Variants in IQGAP1 observed in about 807,000 individuals in gnomAD.
IQGAP1 encodes the protein ras GTPase-activating-like protein IQGAP1.
In IQGAP1, 66 loss-of-function variants were observed where a neutral mutation model predicts 215.6. The observed-to-expected ratio is 0.31, with a 90% confidence interval of 0.25 to 0.38. IQGAP1 has a LOEUF of 0.38. Ranked by LOEUF, IQGAP1 falls within the 10% of genes least tolerant of loss-of-function variation. The pLI is 1.00. For synonymous variants in IQGAP1, 772 were observed against 728.7 expected, an observed-to-expected ratio of 1.06 and a Z score of -0.96; for missense variants, 1,712 against 1,997.1, an observed-to-expected ratio of 0.86 and a Z score of 2.72.
chr15:90,405,746 T>G (rs903023265), intron 2 of IQGAP1, among the ~76,000 whole-genome samples: 27 of 151,826 alleles, frequency 1.8e-4, no homozygotes, highest in Non-Finnish European at 3.1e-4. Context: ...TTCCAGGTTT[T>G]TTTTTTTTTT....
intron 8 of IQGAP1, among the ~76,000 whole-genome samples, chr15:90,442,082 A>T (rs1965458388): frequency 6.6e-6 from 1 of 152,230 alleles, no homozygotes; most frequent in Admixed American, 6.5e-5. Flanking sequence ...ATTAAAATTA[A>T]TAGTGCCCTT....
intron 2 of IQGAP1, among the ~76,000 whole-genome samples, chr15:90,408,512 A>G (rs1267312974): frequency 6.6e-6 from 1 of 152,204 alleles, no homozygotes; most frequent in East Asian, 1.9e-4. Context: ...GCCATAAGAA[A>G]GTTTAGAGGA....
In IQGAP1 at chr15:90,483,226, C is replaced by G. The variant is rs1231567363; in HGVS notation, c.3556-135C>G. On this transcript the variant is annotated intron_variant, in intron 28 of 37. Coordinates refer to ENST00000268182, the MANE Select transcript of IQGAP1 (RefSeq NM_003870.4). ...GAGAGTGTGTATATGTGCATGCATG[C>G]GTGTGTATATGTATTTTTTATTTAT... 8.7e-5 allele frequency: 55 copies of G among 629,876 alleles called. No homozygotes were observed. The South Asian group carries it at 1.0e-3, about 12-fold the overall frequency. 39.0% of individuals were successfully genotyped at this position (629,876 alleles called of 1,614,324 possible).
intron 2 of IQGAP1, among the ~76,000 whole-genome samples, chr15:90,423,217 C>T (rs1965173137): frequency 6.6e-6 from 1 of 152,118 alleles, no homozygotes; most frequent in African/African-American, 2.4e-5. Flanking sequence ...TGGCACTTTA[C>T]TTTTCAAAGC....
intron 11 of IQGAP1, 107 bp from the exon 12 acceptor site, chr15:90,452,668 A>C: frequency 7.7e-7 from 1 of 1,306,642 alleles, no homozygotes; most frequent in East Asian, 2.3e-5. Flanking sequence ...TTCAAACTTC[A>C]TGGCTGATAG....
At position 90,496,306 on chromosome 15, in the gene IQGAP1, C is replaced by CTTTTTTTTTTTTTTTTTTTTTTT. The variant is rs552222380; in HGVS notation, c.4752-919_4752-897dup. On this transcript the variant is annotated intron_variant, in intron 36 of 37. Transcript: ENST00000268182. The stretch of plus-strand genomic sequence containing the variant: ...GATCATCCAGAGAACAGCATAATCC[C>CTTTTTTTTTTTTTTTTTTTTTTT]TTTTTTTTTTTTTTTTTTTTTTTTT... Among the ~76,000 whole-genome samples the CTTTTTTTTTTTTTTTTTTTTTTT allele has an allele frequency of 2.3e-4, 24 of 106,112 alleles. 1 individual carries two copies. Among genetic ancestry groups the CTTTTTTTTTTTTTTTTTTTTTTT allele is most frequent in the African/African-American group, 9.7e-4 (22 of 22,580 alleles). 69.6% of individuals were successfully genotyped at this position (106,112 alleles called of 152,430 possible). A position where few individuals can be genotyped will look rare whatever the true frequency, so the allele number is the denominator to read the frequency against.
At chr15:90,487,164 G>A (rs1966138263) in intron 32 of IQGAP1, 75 bp downstream of exon 32, 2 of 1,472,198 alleles carry the variant, frequency 1.4e-6, no homozygotes, top group African/African-American at 1.4e-5. Flanking sequence ...GAACCTGCTG[G>A]GTCCTACCTG....
intron 15 of IQGAP1, among the ~76,000 whole-genome samples, chr15:90,461,291 C>T (rs1965757885): frequency 6.8e-6 from 1 of 146,842 alleles, no homozygotes; most frequent in East Asian, 2.0e-4. Flanking sequence ...AAGAGTGAAA[C>T]TCCGTCTCAA....
At chr15:90,411,959 A>C (rs1964972617) in intron 2 of IQGAP1, among the ~76,000 whole-genome samples, 2 of 152,158 alleles carry the variant, frequency 1.3e-5, no homozygotes, top group African/African-American at 4.8e-5. Flanking sequence ...CTGTTTTTTT[A>C]ATGTACAATT....
chr15:90,458,871 A>G (rs1332516933), intron 15 of IQGAP1, among the ~76,000 whole-genome samples: 1 of 152,228 alleles, frequency 6.6e-6, no homozygotes, highest in Non-Finnish European at 1.5e-5. Flanking sequence ...ATCAGATACT[A>G]CACTTACATG....
chr15:90,445,324 G>A (rs1425261328), intron 9 of IQGAP1, among the ~76,000 whole-genome samples: 3 of 151,004 alleles, frequency 2.0e-5, no homozygotes, highest in East Asian at 1.9e-4. Context: ...TAATATTATC[G>A]CTATGTCATG....
At chr15:90,428,426 A>G (rs557727155) in intron 3 of IQGAP1, among the ~76,000 whole-genome samples, 1 of 151,988 alleles carries the variant, frequency 6.6e-6, no homozygotes, top group Non-Finnish European at 1.5e-5. Context: ...CTCTGGAGCT[A>G]TTCTGTAGGC....
chr15:90,462,984 A>G (rs1965783778), intron 15 of IQGAP1, among the ~76,000 whole-genome samples: 1 of 152,192 alleles, frequency 6.6e-6, no homozygotes, highest in Non-Finnish European at 1.5e-5. Context: ...AAATTTTACC[A>G]GAAGGATTTG....
chr15:90,482,322 CAA>C, intron 28 of IQGAP1, 41 bp downstream of exon 28: 1 of 1,591,282 alleles, frequency 6.3e-7, no homozygotes, highest in Non-Finnish European at 8.6e-7. Context: ...CCTTTGAGGA[CAA>C]AGCAATAAAA....
chr15:90,420,338 C>G (rs1596257733), intron 2 of IQGAP1, among the ~76,000 whole-genome samples: 1 of 152,122 alleles, frequency 6.6e-6, no homozygotes, highest in African/African-American at 2.4e-5. Context: ...CCAGATCTTT[C>G]CAAGTCCATG....
At chr15:90,429,324 G>A (rs986354496) in intron 3 of IQGAP1, among the ~76,000 whole-genome samples, 2 of 152,146 alleles carry the variant, frequency 1.3e-5, no homozygotes, top group Non-Finnish European at 2.9e-5. Context: ...AGATTACTAA[G>A]CCAGTAATTG....
At chr15:90,428,424 C>A (rs908955590) in intron 3 of IQGAP1, among the ~76,000 whole-genome samples, 2 of 151,996 alleles carry the variant, frequency 1.3e-5, no homozygotes, top group African/African-American at 4.8e-5. Context: ...AACTCTGGAG[C>A]TATTCTGTAG....
In IQGAP1 at chr15:90,409,590, G is replaced by A. The variant is rs554528171; in HGVS notation, c.156-16520G>A. Reference sequence around the variant, plus strand: ...GGGTTTCACTGGGTTGCCCAGCCTGGCCTCGAACTTACGAACTCAAGTGTT... The same window carrying A: ...GGGTTTCACTGGGTTGCCCAGCCTGACCTCGAACTTACGAACTCAAGTGTT... On this transcript the variant is annotated intron_variant, in intron 2 of 37. Transcript: ENST00000268182. Among the ~76,000 whole-genome samples the A allele has an allele frequency of 4.6e-5, 7 of 152,138 alleles. No individual in the cohort carries two copies. In the South Asian group the frequency reaches 1.5e-3, roughly 32 times the overall value.
intron 13 of IQGAP1, 36 bp downstream of exon 13, chr15:90,453,328 G>A (rs758844876): frequency 3.0e-5 from 46 of 1,527,116 alleles, no homozygotes; most frequent in East Asian, 4.6e-5. Context: ...AATCCATTAC[G>A]TAGCTGTTAA....
Sources: gnomAD v4.1 joint callset for allele counts (sites outside exome capture counted in the v4.1 genomes callset) on GRCh38, gnomAD v4.1.1 for gene constraint, MANE v1.5 for transcripts, NCBI Gene and HGNC (gene_info 2026-07-23, HGNC 2026-07-21) for gene names.